CACHD1: variants seen among roughly 807,000 people sequenced by gnomAD.
CACHD1 encodes the protein cache domain containing 1.
Under a neutral mutation model 138.7 loss-of-function variants are expected in CACHD1, and 71 were observed. The observed-to-expected ratio is 0.51, with a 90% CI of 0.42 to 0.62. The LOEUF (loss-of-function observed/expected upper bound fraction) is 0.62. CACHD1 is among the 20% of genes least tolerant of loss of function. The pLI, the probability that CACHD1 is intolerant of heterozygous loss-of-function variation, is 0.00. For synonymous variants in CACHD1, 578 were observed against 591.5 expected, an observed-to-expected ratio of 0.98 and a Z score of 0.33; for missense variants, 1,389 against 1,625.3, an observed-to-expected ratio of 0.85 and a Z score of 2.50.
At chr1:64,491,942 T>G (rs1255536664) in intron 1 of CACHD1, among the ~76,000 whole-genome samples, 5 of 141,090 alleles carry the variant, frequency 3.5e-5, no homozygotes, top group Non-Finnish European at 4.5e-5. Context: ...TTGTTTGTTT[T>G]TTGTTTTTTT....
At chr1:64,691,237 C>A in intron 26 of CACHD1, 86 bp from the exon 27 acceptor site, 1 of 1,232,564 alleles carries the variant, frequency 8.1e-7, no homozygotes. Context: ...ACAGGAATAC[C>A]TCCCAGTGCC....
At chr1:64,485,084 C>G (rs1467310553) in intron 1 of CACHD1, among the ~76,000 whole-genome samples, 1 of 152,220 alleles carries the variant, frequency 6.6e-6, no homozygotes, top group Admixed American at 6.5e-5. Context: ...TACTTTCCCA[C>G]CAGCAATGCA....
intron 7 of CACHD1, 74 bp downstream of exon 7, chr1:64,634,334 C>A: frequency 1.1e-6 from 1 of 945,662 alleles, no homozygotes; most frequent in Non-Finnish European, 1.7e-6. Flanking sequence ...GTAAATTGAT[C>A]ACACAATGAT....
In CACHD1 at chr1:64,470,981, T is replaced by C; in HGVS notation, c.198+39T>C. 1 of 1,543,342 alleles carries C rather than the reference T, an allele frequency of 6.5e-7. No individual in the cohort carries two copies. The highest frequency in any genetic ancestry group is 8.8e-7 in the Non-Finnish European group (1 of 1,141,660). ...GAGCTGGCCAGACATCCCGCCTTTCTCCTTTGCTCAAACTCCCATCCCACT... is the reference window on the plus strand; with the variant it reads ...GAGCTGGCCAGACATCCCGCCTTTCCCCTTTGCTCAAACTCCCATCCCACT... On this transcript the variant is annotated intron_variant, in intron 1 of 26. Transcript: ENST00000651257. This position sits in a 1 kb window ranked among gnomAD's most constrained non-coding sequence, Gnocchi z 5.2.
At chr1:64,531,758 G>A (rs1453084213) in intron 1 of CACHD1, among the ~76,000 whole-genome samples, 1 of 152,208 alleles carries the variant, frequency 6.6e-6, no homozygotes, top group Non-Finnish European at 1.5e-5. Flanking sequence ...TACCAGCACA[G>A]GCTGTGTGTG....
At chr1:64,480,093 C>T (rs891426943) in intron 1 of CACHD1, among the ~76,000 whole-genome samples, 7 of 152,218 alleles carry the variant, frequency 4.6e-5, no homozygotes, top group Non-Finnish European at 5.9e-5. Flanking sequence ...TGTGGTCCCT[C>T]CTGTGGAGTT....
At chr1:64,487,392 C>A (rs1379308467) in intron 1 of CACHD1, among the ~76,000 whole-genome samples, 1 of 152,102 alleles carries the variant, frequency 6.6e-6, no homozygotes, top group Non-Finnish European at 1.5e-5. Flanking sequence ...TAGTGGAATA[C>A]AAGAGAATGG....
chr1:64,505,929 GC>G (rs67101882), intron 1 of CACHD1: 126,009 of 145,780 alleles, frequency 0.86, 55,266 homozygotes, highest in East Asian at 0.97. Flanking sequence ...TCGCTGTTCT[GC>G]CCCTTTGTCT....
Position 64,519,468 on chromosome 1 carries a change from T to C in CACHD1, c.199-31126T>C, listed in dbSNP as rs967343246. Among the ~76,000 whole-genome samples, 16 of 152,336 alleles carry C rather than the reference T, an allele frequency of 1.1e-4. 6 individuals carry two copies. On this transcript the variant is annotated intron_variant, in intron 1 of 26. Transcript: ENST00000651257. ...TTGTCTCTAAAGTGAAAAGATTGAC[T>C]GACTTAGTAATAGGGAACTGATTTT...
chr1:64,664,741 G>T, intron 15 of CACHD1, 62 bp downstream of exon 15: 12 of 1,487,976 alleles, frequency 8.1e-6, no homozygotes, highest in Non-Finnish European at 1.0e-5. Flanking sequence ...GACATGGTAA[G>T]TACATACAAT....
rs1648079942 is a variant in CACHD1 at position 64,625,781 on chromosome 1, A to AT, written c.518-3568dup. Among the ~76,000 whole-genome samples, 5 of 152,076 alleles carry AT rather than the reference A, an allele frequency of 3.3e-5. 1 individual carries two copies. Among genetic ancestry groups the AT allele is most frequent in the South Asian group, 2.1e-4 (1 of 4,796 alleles). On this transcript the variant is annotated intron_variant, in intron 4 of 26. Coordinates refer to ENST00000651257, the MANE Select transcript of CACHD1 (RefSeq NM_020925.4). ...CCTACATCTATAAAAATAAAAAAAAATTTTTTAAAGTGTTCCTAAATGTCT... is the reference window on the plus strand; with the variant it reads ...CCTACATCTATAAAAATAAAAAAAAATTTTTTTAAAGTGTTCCTAAATGTCT...
intron 1 of CACHD1, among the ~76,000 whole-genome samples, chr1:64,492,347 A>G: frequency 2.2e-5 from 1 of 45,344 alleles, no homozygotes; most frequent in Admixed American, 3.4e-4. Context: ...ACGGGGAAGG[A>G]TGGCCTTTAT....
intron 7 of CACHD1, 39 bp downstream of exon 7, chr1:64,634,299 A>G (rs757992927): frequency 3.5e-6 from 5 of 1,417,806 alleles, no homozygotes; most frequent in South Asian, 1.2e-5. Flanking sequence ...GGCATAGTAG[A>G]TAAAGATGGC....
At chr1:64,587,582 A>C (rs1194807252) in intron 3 of CACHD1, among the ~76,000 whole-genome samples, 6 of 152,224 alleles carry the variant, frequency 3.9e-5, no homozygotes, top group Non-Finnish European at 7.3e-5. Flanking sequence ...GTACTCTGTC[A>C]ATGTTTGTTG....
intron 4 of CACHD1, among the ~76,000 whole-genome samples, chr1:64,606,148 G>A (rs1647333302): frequency 8.7e-6 from 1 of 114,616 alleles, no homozygotes; most frequent in Non-Finnish European, 1.8e-5. Context: ...CACGCACACA[G>A]CTTATAATCT....
intron 9 of CACHD1, among the ~76,000 whole-genome samples, chr1:64,649,325 G>A (rs963887549): frequency 6.6e-6 from 1 of 152,054 alleles, no homozygotes; most frequent in South Asian, 2.1e-4. Flanking sequence ...GCCTCCTAAA[G>A]TGCAGTTGTG....
chr1:64,536,224 T>A (rs1646631688), intron 1 of CACHD1, among the ~76,000 whole-genome samples: 1 of 152,178 alleles, frequency 6.6e-6, no homozygotes, highest in Non-Finnish European at 1.5e-5. Context: ...ATTATACCCA[T>A]TTTTGGAGAT....
At chr1:64,683,944 T>C in intron 26 of CACHD1, among the ~76,000 whole-genome samples, 1 of 152,346 alleles carries the variant, frequency 6.6e-6, no homozygotes, top group Non-Finnish European at 1.5e-5. Context: ...GCACACTTCT[T>C]GCTCATCTGT....
At chr1:64,505,882 C>T (rs1242416231) in intron 1 of CACHD1, 1 of 130,148 alleles carries the variant, frequency 7.7e-6, no homozygotes, top group Non-Finnish European at 1.7e-5. Flanking sequence ...CCGCCGGGTC[C>T]CCCGCTTCGT....
Sources: allele counts gnomAD v4.1 joint callset (sites outside exome capture counted in the v4.1 genomes callset), GRCh38; gene constraint gnomAD v4.1.1; non-coding constraint Gnocchi (gnomAD v3.1); transcripts MANE v1.5; gene names NCBI Gene and HGNC (gene_info 2026-07-23, HGNC 2026-07-21).